DPM2: variants seen among roughly 807,000 people sequenced by gnomAD.
DPM2 encodes dolichol phosphate-mannose biosynthesis regulatory protein.
DPM2 carries 8 observed loss-of-function variants against 12.1 expected under a neutral mutation model. That is an observed-to-expected ratio of 0.66 (90% confidence interval 0.39 to 1.19). The LOEUF (loss-of-function observed/expected upper bound fraction) is 1.19. Among genes scored for constraint, DPM2 ranks in the 50% most tolerant of loss-of-function variants. DPM2 has a pLI of 0.01. For synonymous variants in DPM2, 38 were observed against 44.7 expected (o/e 0.85, Z 0.60); for missense variants, 93 against 102.5 (o/e 0.91, Z 0.40).
Position 127,937,488 on chromosome 9 carries a change from G to A in DPM2, c.39C>T (p.Leu13=), listed in dbSNP as rs757467123. 1.9e-6 allele frequency: 3 copies of A among 1,614,050 alleles called. No individual in the cohort carries two copies. The highest frequency in any genetic ancestry group is 2.5e-6 in the Non-Finnish European group (3 of 1,179,926). The change falls in exon 2 of 4, where the codon CTC becomes CTT. Residue 13 remains leucine, a synonymous_variant. Coordinates refer to ENST00000314392, the MANE Select transcript of DPM2 (RefSeq NM_003863.4). ...TGAAGATGATCAGGCTAACGGCGAC[G>A]AGGCCGAGTCCCACCACCTGGTCTG... is the stretch of plus-strand genomic sequence containing the variant. The part of the protein sequence containing the change: ...TGTDQVVGLG[L]VAVSLIIFTY...
intron 1 of DPM2, 36 bp from the exon 2 acceptor site, chr9:127,937,559 C>T (rs1831529557): frequency 6.4e-7 from 1 of 1,555,480 alleles, no homozygotes; most frequent in African/African-American, 1.4e-5. Context: ...ACGAAGTGAC[C>T]CTCTATTTCG....
At position 127,937,445 on chromosome 9, in the gene DPM2, C is replaced by G. The variant is rs1204651681; in HGVS notation, c.82G>C (p.Val28Leu). 6.2e-7 allele frequency: 1 copy of G among 1,613,176 alleles called. No individual in the cohort carries two copies. Among genetic ancestry groups the G allele is most frequent in the Non-Finnish European group, 8.5e-7 (1 of 1,179,424 alleles). The change falls in exon 2 of 4, where the codon GTG (valine) becomes CTG (leucine). Residue 28 changes from valine to leucine, a missense_variant. Val to Leu is a conservative substitution (Grantham distance 32). Transcript: ENST00000314392. The stretch of plus-strand genomic sequence containing the variant: ...GGAGAATGACATACCAAGAGAATCA[C>G]CCAGGCGGTGTAGTAGGTGAAGATG... Reference protein sequence around the residue: ...LIIFTYYTAWVILLPFIDSQH... With the variant: ...LIIFTYYTAWLILLPFIDSQH...
chr9:127,936,355 G>A, intron 3 of DPM2, 198 bp downstream of exon 3: 1 of 1,531,052 alleles, frequency 6.5e-7, no homozygotes, highest in Non-Finnish European at 8.8e-7. Flanking sequence ...AGGTAGACAG[G>A]TCATTGGAGT....
At chr9:127,937,610 C>T in intron 1 of DPM2, 87 bp from the exon 2 acceptor site, 1 of 1,296,780 alleles carries the variant, frequency 7.7e-7, no homozygotes, top group Non-Finnish European at 1.1e-6. Flanking sequence ...CGATCACGGT[C>T]TAAGCTTCCC....
rs564981501 is a variant in DPM2, at chr9:127,935,504, G to A, written c.*218C>T. ...GGCCCTGAGCAAGAAGGAGGTGACCGGAGTCTTCCAGGTATCCCTCCCTCC... is the reference window on the plus strand; with the variant it reads ...GGCCCTGAGCAAGAAGGAGGTGACCAGAGTCTTCCAGGTATCCCTCCCTCC... On this transcript the variant is annotated 3_prime_UTR_variant, in exon 4 of 4. Transcript: ENST00000314392. The A allele has an allele frequency of 1.3e-4, 75 of 598,748 alleles. No homozygotes were observed. The highest frequency in any genetic ancestry group is 1.7e-4 in the Non-Finnish European group (56 of 337,094). 37.1% of individuals were successfully genotyped at this position (598,748 alleles called of 1,614,324 possible). A position where few individuals can be genotyped will look rare whatever the true frequency, so the allele number is the denominator to read the frequency against.
In DPM2 at chr9:127,936,610, G is replaced by C. The variant is rs549450795; in HGVS notation, c.139C>G (p.Arg47Gly). The change falls in exon 3 of 4, where the codon CGA (arginine) becomes GGA (glycine). Residue 47 changes from arginine to glycine, a missense_variant. Coordinates refer to ENST00000314392, the MANE Select transcript of DPM2 (RefSeq NM_003863.4). ...AGTGGGATGGCGACAGCATAGGCTC[G>C]GGGCAGGAAATACTTGTGGATGACA... ...QHVIHKYFLP[R>G]AYAVAIPLAA... The C allele has an allele frequency of 2.0e-6, 3 of 1,528,570 alleles. No homozygotes were observed. Among genetic ancestry groups the C allele is most frequent in the South Asian group, 2.5e-5 (2 of 78,904 alleles). The allele number at this position is 1,528,570 out of a possible 1,614,324, so 94.7% of individuals were successfully genotyped here.
In DPM2 at chr9:127,937,464, G is replaced by A; in HGVS notation, c.63C>T (p.Phe21=). The change falls in exon 2 of 4, where the codon TTC becomes TTT. Residue 21 remains phenylalanine, a synonymous_variant. Transcript: ENST00000314392. ...GAATCACCCAGGCGGTGTAGTAGGT[G>A]AAGATGATCAGGCTAACGGCGACGA... ...LGLVAVSLII[F]TYYTAWVILL... is the part of the protein sequence containing the mutation. 2 of 1,614,010 alleles carry A rather than the reference G, an allele frequency of 1.2e-6. No individual in the cohort carries two copies. The highest frequency in any genetic ancestry group is 1.7e-6 in the Non-Finnish European group (2 of 1,179,888).
At position 127,935,400 on chromosome 9, in the gene DPM2, A is replaced by C. The variant is rs1286131301; in HGVS notation, c.*322T>G. ...AACGTCAGCATGTGACAGGAGGGGA[A>C]GTGAGGCAAGACGGCAGAACCCAGG... is the stretch of plus-strand genomic sequence containing the variant. On this transcript the variant is annotated 3_prime_UTR_variant, in exon 4 of 4. Transcript: ENST00000314392. 4.5e-6 allele frequency: 2 copies of C among 442,974 alleles called. No homozygotes were observed. The allele number at this position is 442,974 out of a possible 1,614,324, so 27.4% of individuals were successfully genotyped here.
In DPM2 at chr9:127,937,835, A is replaced by G. The variant is rs1299883690; in HGVS notation, c.-15T>C. On this transcript the variant is annotated 5_prime_UTR_variant, in exon 1 of 4. Transcript: ENST00000314392. The stretch of plus-strand genomic sequence containing the variant: ...AATCTCACCATTTCCCCGCGCGCTC[A>G]GCCACCCGAGCCGCAAGCCACATCC... 6.3e-7 allele frequency: 1 copy of G among 1,590,146 alleles called. No homozygotes were observed. Among genetic ancestry groups the G allele is most frequent in the African/African-American group, 1.3e-5 (1 of 74,744 alleles).
At position 127,937,638 on chromosome 9, in the gene DPM2, G is replaced by A. The variant is rs2274424; in HGVS notation, c.4-115C>T. 983,486 of 1,201,716 alleles carry A rather than the reference G, an allele frequency of 0.82. 411,404 individuals are homozygous for A. Among genetic ancestry groups the A allele is most frequent in the Non-Finnish European group, 0.87 (719,395 of 824,428 alleles). The allele number at this position is 1,201,716 out of a possible 1,614,324, so 74.4% of individuals were successfully genotyped here. A position where few individuals can be genotyped will look rare whatever the true frequency, so the allele number is the denominator to read the frequency against. On this transcript the variant is annotated intron_variant, in intron 1 of 3. Coordinates refer to ENST00000314392, the MANE Select transcript of DPM2 (RefSeq NM_003863.4). The stretch of plus-strand genomic sequence containing the variant: ...AGCTTCCCATTCAACAGATGGTAGA[G>A]GGCTGACTAGGGATCAGTTTCTAGG...
rs1288455678 is a variant in DPM2, at chr9:127,937,535, G to A, written c.4-12C>T. On this transcript the variant is annotated splice_polypyrimidine_tract_variant and intron_variant, in intron 1 of 3. Coordinates refer to ENST00000314392, the MANE Select transcript of DPM2 (RefSeq NM_003863.4). ...TCTGTCCCCGTGGCCTGGAGAAAAG[G>A]GAGGTCTCAGCTGACGAAGTGACCC... 25 of 1,606,600 alleles carry A rather than the reference G, an allele frequency of 1.6e-5. No homozygotes were observed. The highest frequency in any genetic ancestry group is 2.1e-5 in the Non-Finnish European group (25 of 1,175,454).
chr9:127,935,804 C>T (rs764595439), intron 3 of DPM2, 24 bp from the exon 4 acceptor site: 1 of 1,611,420 alleles, frequency 6.2e-7, no homozygotes, highest in East Asian at 2.2e-5. Flanking sequence ...ACCAGAAAGG[C>T]CACATAAGAT....
chr9:127,937,694 C>T, intron 1 of DPM2, 124 bp downstream of exon 1: 1 of 1,365,472 alleles, frequency 7.3e-7, no homozygotes, highest in Non-Finnish European at 1.0e-6. Context: ...TCCGCGTTGT[C>T]GTCCGTACAA....
At chr9:127,936,466 C>T (rs758062581) in intron 3 of DPM2, 87 bp downstream of exon 3, 12 of 1,610,722 alleles carry the variant, frequency 7.5e-6, no homozygotes, top group Admixed American at 3.3e-5. Context: ...AAGCAGCTTC[C>T]AGCACCGCCA....
rs913601751 is a variant in DPM2 at position 127,935,556 on chromosome 9, G to A, written c.*166C>T. 2 of 693,828 alleles carry A rather than the reference G, an allele frequency of 2.9e-6. No individual in the cohort carries two copies. The highest frequency in any genetic ancestry group is 1.8e-5 in the African/African-American group (1 of 55,734). The allele number at this position is 693,828 out of a possible 1,614,324, so 43.0% of individuals were successfully genotyped here. The stretch of plus-strand genomic sequence containing the variant: ...AGCTTCTGGAAGTGGGAGTCGGGGA[G>A]GGGGCTCCAGTCAGTCAGGTGTAAG... On this transcript the variant is annotated 3_prime_UTR_variant, in exon 4 of 4. Transcript: ENST00000314392.
chr9:127,937,784 C>A, intron 1 of DPM2, 34 bp downstream of exon 1: 2 of 1,611,458 alleles, frequency 1.2e-6, no homozygotes, highest in Non-Finnish European at 1.7e-6. Context: ...CACCCCCAGA[C>A]GCCCCTATCT....
At position 127,935,652 on chromosome 9, in the gene DPM2, C is replaced by G. The variant is rs1204740068; in HGVS notation, c.*70G>C. On this transcript the variant is annotated 3_prime_UTR_variant, in exon 4 of 4. Coordinates refer to ENST00000314392, the MANE Select transcript of DPM2 (RefSeq NM_003863.4). ...ACTGTGCCTGGACAGGTTCTGCAGGCTCCCCCACTTGGTCCCTGTGCTGGA... is the reference window on the plus strand; with the variant it reads ...ACTGTGCCTGGACAGGTTCTGCAGGGTCCCCCACTTGGTCCCTGTGCTGGA... 1 of 1,542,926 alleles carries G rather than the reference C, an allele frequency of 6.5e-7. No homozygotes were observed. Among genetic ancestry groups the G allele is most frequent in the African/African-American group, 1.4e-5 (1 of 73,736 alleles).
intron 3 of DPM2, chr9:127,936,184 A>G (rs928408025): frequency 7.8e-6 from 9 of 1,150,960 alleles, no homozygotes; most frequent in Non-Finnish European, 1.1e-5. Context: ...TTCTGAGCAC[A>G]GCCTCAGTGC....
rs1487173511 is a variant in DPM2 at position 127,936,557 on chromosome 9, A to G, written c.192T>C (p.Phe64=). 1 of 1,590,718 alleles carries G rather than the reference A, an allele frequency of 6.3e-7. No homozygotes were observed. The highest frequency in any genetic ancestry group is 8.6e-7 in the Non-Finnish European group (1 of 1,165,150). The change falls in exon 3 of 4, where the codon TTT becomes TTC. Residue 64 remains phenylalanine, a synonymous_variant. Coordinates refer to ENST00000314392, the MANE Select transcript of DPM2 (RefSeq NM_003863.4). ...PLAAGLLLLL[F]VGLFISYVML... is the part of the protein sequence containing the mutation. ...GGGGAGGAGGTGATGACTTACCCAC[A>G]AACAGGAGCAGCAGGAGGCCTGCAG...
Sources: gnomAD v4.1 joint callset for allele counts on GRCh38, gnomAD v4.1.1 for gene constraint, MANE v1.5 for transcripts, NCBI Gene and HGNC (gene_info 2026-07-23, HGNC 2026-07-21) for gene names.